Variants in SULF1 observed in about 807,000 individuals in gnomAD.
SULF1 encodes sulfatase 1.
Under a neutral mutation model 110.5 loss-of-function variants are expected in SULF1, and 46 were observed. That is an observed-to-expected ratio of 0.42 (90% CI 0.33 to 0.53). SULF1 has a LOEUF of 0.53. SULF1 is among the 20% of genes least tolerant of loss of function. SULF1 has a pLI of 0.12. For synonymous variants in SULF1, 371 were observed against 387.1 expected (o/e 0.96, Z 0.49); for missense variants, 941 against 1,094.2 (o/e 0.86, Z 1.98).
intron 13 of SULF1, among the ~76,000 whole-genome samples, chr8:69,619,785 G>A (rs1426411133): frequency 6.6e-6 from 1 of 152,236 alleles, no homozygotes; most frequent in African/African-American, 2.4e-5. Context: ...GAGAGGGGGA[G>A]CACGCAGATA....
intron 3 of SULF1, among the ~76,000 whole-genome samples, chr8:69,537,234 G>A (rs73683947): frequency 0.015 from 2,241 of 152,238 alleles, 58 homozygotes; most frequent in African/African-American, 0.051. Flanking sequence ...CTAGCAAAGG[G>A]ATTTCTGGGC....
chr8:69,537,169 C>T (rs1324891622), intron 3 of SULF1, among the ~76,000 whole-genome samples: 1 of 152,106 alleles, frequency 6.6e-6, no homozygotes, highest in Admixed American at 6.5e-5. Context: ...GAGTGAAACC[C>T]TCCAGCTGGG....
intron 13 of SULF1, among the ~76,000 whole-genome samples, chr8:69,616,226 A>ATT (rs1353735420): frequency 2.1e-5 from 3 of 143,076 alleles, no homozygotes; most frequent in African/African-American, 8.0e-5. Context: ...ATATATATAT[A>ATT]TATATTTTTT....
chr8:69,576,235 G>C, intron 6 of SULF1, 26 bp downstream of exon 6: 1 of 1,606,156 alleles, frequency 6.2e-7, no homozygotes, highest in Non-Finnish European at 8.5e-7. Flanking sequence ...TCTAGCCCAT[G>C]AACGTCTTGT....
At chr8:69,627,377 G>T in intron 16 of SULF1, 71 bp downstream of exon 16, 2 of 1,116,342 alleles carry the variant, frequency 1.8e-6, no homozygotes, top group Non-Finnish European at 2.7e-6. Context: ...TGCTGTGTCT[G>T]GTGGGACATA....
chr8:69,610,184 A>G (rs1476977160), intron 13 of SULF1, among the ~76,000 whole-genome samples: 1 of 152,202 alleles, frequency 6.6e-6, no homozygotes, highest in Non-Finnish European at 1.5e-5. Flanking sequence ...CATTTGTTTA[A>G]AAATCTGTGA....
At chr8:69,641,617 T>A (rs1260039192) in intron 22 of SULF1, among the ~76,000 whole-genome samples, 1 of 151,872 alleles carries the variant, frequency 6.6e-6, no homozygotes, top group Admixed American at 6.6e-5. Context: ...ACACCTGTAG[T>A]CCCAGCTACT....
chr8:69,560,766 G>A (rs1815426137), intron 3 of SULF1, among the ~76,000 whole-genome samples: 3 of 152,180 alleles, frequency 2.0e-5, no homozygotes, highest in Non-Finnish European at 2.9e-5. Context: ...AAACCAGGCA[G>A]TTAAGAGGAT....
intron 16 of SULF1, 37 bp downstream of exon 16, chr8:69,627,343 A>T (rs1267017312): frequency 3.2e-6 from 5 of 1,542,848 alleles, no homozygotes; most frequent in Non-Finnish European, 4.5e-6. Flanking sequence ...ATATATTCCA[A>T]ACTCAAACTC....
Position 69,588,982 on chromosome 8 carries a change from C to T in SULF1, c.575C>T (p.Thr192Ile). The T allele has an allele frequency of 6.2e-7, 1 of 1,612,662 alleles. No homozygotes were observed. ...HGFDYAKDYF[T>I]DLITNESINY... ...AAATGTATGTTTCAGGACTACTTCA[C>T]AGACTTAATCACTAACGAGAGCATT... The change falls in exon 8 of 23, where the codon ACA (threonine) becomes ATA (isoleucine). Residue 192 changes from threonine (T) to isoleucine (I), a missense_variant. Around this residue, in one of 3 missense-constraint regions of SULF1, gnomAD observed 822 missense variants for 934.3 expected, o/e 0.88. Transcript: ENST00000402687.
chr8:69,476,627 A>T (rs1213688285), intron 1 of SULF1, among the ~76,000 whole-genome samples: 3 of 152,214 alleles, frequency 2.0e-5, no homozygotes, highest in Non-Finnish European at 4.4e-5. Flanking sequence ...CAAGTTTTTA[A>T]TGAAGACTTT....
intron 5 of SULF1, 63 bp downstream of exon 5, chr8:69,564,210 A>T (rs1815706461): frequency 6.3e-7 from 1 of 1,584,300 alleles, no homozygotes; most frequent in East Asian, 2.2e-5. Context: ...GAGTCTCAGG[A>T]TTATCAGGAG....
chr8:69,612,321 A>T (rs1433536947), intron 13 of SULF1, among the ~76,000 whole-genome samples: 1 of 152,162 alleles, frequency 6.6e-6, no homozygotes, highest in Non-Finnish European at 1.5e-5. Context: ...ATGCCTATGC[A>T]TGTGTCCTTT....
rs1455658545 is a variant in SULF1, at chr8:69,658,777, T to G, written c.*242T>G. The G allele has an allele frequency of 1.5e-6, 1 of 646,902 alleles. No individual in the cohort carries two copies. The highest frequency in any genetic ancestry group is 2.1e-5 in the Admixed American group (1 of 48,194). The allele number at this position is 646,902 out of a possible 1,614,324, so 40.1% of individuals were successfully genotyped here. On this transcript the variant is annotated 3_prime_UTR_variant, in exon 23 of 23. Coordinates refer to ENST00000402687, the MANE Select transcript of SULF1 (RefSeq NM_001128205.2). ...GGTTGTCTCTGCTGAGCACGCTGTG[T>G]CAATGGAGATGGCCTCTGCTGACTC...
chr8:69,498,862 A>G (rs1042545222), intron 2 of SULF1, among the ~76,000 whole-genome samples: 6 of 152,264 alleles, frequency 3.9e-5, no homozygotes, highest in Admixed American at 2.0e-4. Flanking sequence ...GTACAGACTT[A>G]AAATTATTTA....
chr8:69,631,130 G>A (rs909225367), intron 19 of SULF1, among the ~76,000 whole-genome samples: 5 of 152,202 alleles, frequency 3.3e-5, no homozygotes, highest in East Asian at 1.9e-4. Context: ...GGGAGGGAGC[G>A]TGTTCCAGGC....
chr8:69,516,714 A>G lies in SULF1; in HGVS notation c.-134+14746A>G, dbSNP rs1484787016. Among the ~76,000 whole-genome samples the G allele has an allele frequency of 2.6e-5, 4 of 152,252 alleles. No homozygotes were observed. The East Asian group carries it at 5.8e-4, about 22-fold the overall frequency. On this transcript the variant is annotated intron_variant, in intron 3 of 22. Transcript: ENST00000402687. ...ACTGAGATAGAATCTTTGTTGATACAGATGTTTCTAAATAGAGGCAAATCC... is the reference window on the plus strand; with the variant it reads ...ACTGAGATAGAATCTTTGTTGATACGGATGTTTCTAAATAGAGGCAAATCC...
At chr8:69,639,024 C>G (rs1811263799) in intron 21 of SULF1, among the ~76,000 whole-genome samples, 166 bp downstream of exon 21, 1 of 152,184 alleles carries the variant, frequency 6.6e-6, no homozygotes, top group South Asian at 2.1e-4. Flanking sequence ...AAGTTTAGCT[C>G]TGGTGTACTA....
chr8:69,484,570 C>A (rs1809623121), intron 1 of SULF1, among the ~76,000 whole-genome samples: 1 of 152,102 alleles, frequency 6.6e-6, no homozygotes, highest in Non-Finnish European at 1.5e-5. Context: ...TTTAATTCTG[C>A]CCTTGGAAAG....
Sources: gnomAD v4.1 joint callset for allele counts (sites outside exome capture counted in the v4.1 genomes callset) on GRCh38, gnomAD v4.1.1 for gene constraint, gnomAD v4.1.1 regional missense constraint, MANE v1.5 for transcripts, NCBI Gene and HGNC (gene_info 2026-07-23, HGNC 2026-07-21) for gene names.